CCNY: variants seen among roughly 807,000 people sequenced by gnomAD.
CCNY encodes cyclin Y.
CCNY carries 19 observed loss-of-function variants against 42.8 expected under a neutral mutation model. The ratio of observed to expected loss-of-function variants is 0.44; its 90% CI spans 0.31 to 0.65. CCNY has a LOEUF of 0.65. Among genes scored for constraint, CCNY ranks in the 30% least tolerant of loss-of-function variants. The pLI is 0.07. For synonymous variants in CCNY, 165 were observed against 162.7 expected (o/e 1.01, Z -0.11); for missense variants, 370 against 437.3 (o/e 0.85, Z 1.37).
chr10:35,527,403 A>G (rs1017827428), intron 5 of CCNY, among the ~76,000 whole-genome samples: 1 of 152,204 alleles, frequency 6.6e-6, no homozygotes, highest in Non-Finnish European at 1.5e-5. Flanking sequence ...TTAGACTATG[A>G]TGGATCCTGA....
intron 1 of CCNY, among the ~76,000 whole-genome samples, chr10:35,476,725 A>C (rs1284835280): frequency 6.6e-6 from 1 of 151,172 alleles, no homozygotes; most frequent in African/African-American, 2.4e-5. Context: ...AATTAAAAGA[A>C]CTAGAAAAGC....
chr10:35,483,593 C>A, intron 2 of CCNY, 115 bp downstream of exon 2: 1 of 673,114 alleles, frequency 1.5e-6, no homozygotes, highest in African/African-American at 1.8e-5. Flanking sequence ...CTTTAGTGAC[C>A]CACACATATA....
At chr10:35,480,367 C>T (rs1839639928) in intron 1 of CCNY, among the ~76,000 whole-genome samples, 1 of 152,146 alleles carries the variant, frequency 6.6e-6, no homozygotes, top group South Asian at 2.1e-4. Flanking sequence ...AACAAGTGGT[C>T]ATTCCGCCTT....
intron 3 of CCNY, among the ~76,000 whole-genome samples, chr10:35,505,831 G>T (rs1214597108): frequency 6.6e-6 from 1 of 152,132 alleles, no homozygotes; most frequent in Non-Finnish European, 1.5e-5. Context: ...TAATCATTAA[G>T]ACCAGGATTT....
chr10:35,413,845 C>T (rs1414946013), intron 1 of CCNY, among the ~76,000 whole-genome samples: 1 of 152,118 alleles, frequency 6.6e-6, no homozygotes, highest in Non-Finnish European at 1.5e-5. Flanking sequence ...GGAGGCTCAA[C>T]TTTTCAGAAC....
intron 3 of CCNY, among the ~76,000 whole-genome samples, chr10:35,320,450 T>C (rs1773787584): frequency 1.3e-5 from 2 of 152,212 alleles, no homozygotes; most frequent in South Asian, 2.1e-4. Context: ...AAACTGGAAA[T>C]AGAAGGGACC....
chr10:35,362,069 G>T (rs939080932), intron 1 of CCNY, among the ~76,000 whole-genome samples: 2 of 152,146 alleles, frequency 1.3e-5, no homozygotes, highest in African/African-American at 4.8e-5. Context: ...ATGTGAAACA[G>T]AAATGAATTT....
intron 3 of CCNY, among the ~76,000 whole-genome samples, chr10:35,316,032 A>C (rs1835755733): frequency 6.6e-6 from 1 of 152,244 alleles, no homozygotes; most frequent in South Asian, 2.1e-4. Context: ...TGGCATAAGT[A>C]ACATTTTAAA....
intron 1 of CCNY, among the ~76,000 whole-genome samples, chr10:35,373,631 C>T (rs1483618283): frequency 2.0e-5 from 3 of 152,146 alleles, no homozygotes; most frequent in South Asian, 2.1e-4. Flanking sequence ...CCTGTGGATG[C>T]CTAGGATGAA....
chr10:35,341,769 T>G (rs1836188308), intron 1 of CCNY, among the ~76,000 whole-genome samples: 1 of 152,022 alleles, frequency 6.6e-6, no homozygotes. Context: ...GCAGATAGGG[T>G]GAAGTACTGA....
chr10:35,536,377 C>G (rs898503214), intron 7 of CCNY, among the ~76,000 whole-genome samples: 14 of 152,032 alleles, frequency 9.2e-5, no homozygotes, highest in African/African-American at 3.1e-4. Context: ...TGAAAATGGA[C>G]TAACACAGTA....
At chr10:35,443,503 GATCATCAAT>G (rs1165900301) in intron 1 of CCNY, among the ~76,000 whole-genome samples, 3 of 152,136 alleles carry the variant, frequency 2.0e-5, no homozygotes, top group African/African-American at 2.4e-5. Flanking sequence ...ACAGGGTCAG[GATCATCAAT>G]ATCACTGTCT....
At chr10:35,372,323 G>T (rs1055737419) in intron 1 of CCNY, among the ~76,000 whole-genome samples, 59 of 152,336 alleles carry the variant, frequency 3.9e-4, no homozygotes, top group Non-Finnish European at 1.5e-4. Context: ...TTAGCAGTGC[G>T]CATGGGCCAG....
chr10:35,512,188 GC>G (rs1210128834), intron 3 of CCNY, among the ~76,000 whole-genome samples: 2 of 152,200 alleles, frequency 1.3e-5, no homozygotes, highest in Non-Finnish European at 2.9e-5. Flanking sequence ...CTGGTTTTAA[GC>G]CATTACAGTT....
rs148152378 is a variant in CCNY at position 35,499,503 on chromosome 10, C to T, written c.230-1998C>T. Among the ~76,000 whole-genome samples, 90 of 152,268 alleles carry T rather than the reference C, an allele frequency of 5.9e-4. 1 individual carries two copies. The East Asian group carries it at 0.015, about 26-fold the overall frequency. ...GCCAAACCATATCAGCTTTCTTGGT[C>T]GGACTTATAGTCAGAACTATTGAAG... On this transcript the variant is annotated intron_variant, in intron 2 of 9. Transcript: ENST00000374704.
intron 7 of CCNY, among the ~76,000 whole-genome samples, chr10:35,541,627 T>C (rs1469919711): frequency 6.6e-6 from 1 of 152,220 alleles, no homozygotes; most frequent in African/African-American, 2.4e-5. Context: ...TTTGAACTCC[T>C]GTCGTCAAGT....
intron 3 of CCNY, among the ~76,000 whole-genome samples, chr10:35,267,804 G>A (rs2095727158): frequency 6.6e-6 from 1 of 152,172 alleles, no homozygotes; most frequent in Admixed American, 6.5e-5. Flanking sequence ...CTGAGCGGTG[G>A]AATAAAGTCA....
intron 3 of CCNY, among the ~76,000 whole-genome samples, chr10:35,254,079 G>A (rs1430376066): frequency 5.3e-5 from 8 of 152,040 alleles, no homozygotes; most frequent in African/African-American, 1.7e-4. Flanking sequence ...GGGTTTCACC[G>A]TATTAACCAG....
At chr10:35,250,211 A>AG (rs2095710923) in intron 2 of CCNY, among the ~76,000 whole-genome samples, 1 of 150,668 alleles carries the variant, frequency 6.6e-6, no homozygotes, top group Non-Finnish European at 1.5e-5. Flanking sequence ...AAAAAAAAAA[A>AG]AGAAGTAGTC....
Sources: allele counts gnomAD v4.1 joint callset (sites outside exome capture counted in the v4.1 genomes callset), GRCh38; gene constraint gnomAD v4.1.1; transcripts MANE v1.5; gene names NCBI Gene and HGNC (gene_info 2026-07-23, HGNC 2026-07-21).